The following MTCL3 variants were observed in gnomAD, a reference collection of about 807,000 sequenced individuals.
MTCL3 encodes the protein MTCL family member 3, also known as microtubule cross-linking factor 3.
chr6:127,475,203 C>G, the MTCL3 span: 1 of 1,397,166 alleles, frequency 7.2e-7, no homozygotes, highest in Non-Finnish European at 9.6e-7. The surrounding 1 kb of genome is among the most constrained non-coding windows in gnomAD (Gnocchi z 7.3). Context: ...AAGCGGGGCG[C>G]GGCAGTCCGG....
chr6:127,476,153 C>T, the MTCL3 span: 2 of 1,614,166 alleles, frequency 1.2e-6, no homozygotes, highest in Non-Finnish European at 1.7e-6. This position sits in a 1 kb window ranked among gnomAD's most constrained non-coding sequence, Gnocchi z 4.4. Flanking sequence ...TTGAAGTCAT[C>T]GCCCCTAAGG....
At chr6:127,493,576 C>T in the MTCL3 span, among the ~76,000 whole-genome samples, 4 of 152,110 alleles carry the variant, frequency 2.6e-5, no homozygotes, top group Non-Finnish European at 5.9e-5. Flanking sequence ...AGGCAGAGAC[C>T]TGAATTTGCC....
the MTCL3 span, among the ~76,000 whole-genome samples, chr6:127,509,389 G>C: frequency 5.9e-5 from 9 of 152,254 alleles, no homozygotes; most frequent in East Asian, 1.9e-4. Flanking sequence ...CCAGTCCTGA[G>C]AGCAATTGGT....
the MTCL3 span, among the ~76,000 whole-genome samples, chr6:127,478,241 T>C: frequency 3.3e-5 from 5 of 152,216 alleles, no homozygotes; most frequent in East Asian, 5.8e-4. Flanking sequence ...TTGGATTGTA[T>C]GGCCAATAGC....
the MTCL3 span, among the ~76,000 whole-genome samples, chr6:127,489,011 T>G: frequency 6.6e-6 from 1 of 152,208 alleles, no homozygotes; most frequent in Non-Finnish European, 1.5e-5. Flanking sequence ...GATACCACAA[T>G]TTTTACAAAT....
the MTCL3 span, among the ~76,000 whole-genome samples, chr6:127,502,933 T>C: frequency 6.6e-6 from 1 of 152,350 alleles, no homozygotes; most frequent in Middle Eastern, 3.4e-3. Flanking sequence ...AACACTTTTC[T>C]AGTCCTATGT....
the MTCL3 span, among the ~76,000 whole-genome samples, chr6:127,497,006 G>C: frequency 6.6e-6 from 1 of 152,130 alleles, no homozygotes; most frequent in Non-Finnish European, 1.5e-5. Context: ...ATTGCCTGGA[G>C]GTAGTCAAAG....
chr6:127,476,004 C>G, the MTCL3 span: 1 of 1,610,858 alleles, frequency 6.2e-7, no homozygotes, highest in Non-Finnish European at 8.5e-7. This position sits in a 1 kb window ranked among gnomAD's most constrained non-coding sequence, Gnocchi z 4.4. Context: ...TGAGCTCCGC[C>G]GTGATGCGCT....
the MTCL3 span, chr6:127,473,264 G>T: frequency 6.7e-7 from 1 of 1,502,422 alleles, no homozygotes. Flanking sequence ...TACAATGAAT[G>T]GTAAATGATG....
chr6:127,477,651 A>C, the MTCL3 span, among the ~76,000 whole-genome samples: 1 of 152,174 alleles, frequency 6.6e-6, no homozygotes, highest in East Asian at 1.9e-4. Flanking sequence ...AGAGCCTTTG[A>C]GATGGAAGAG....
chr6:127,482,207 T>C, the MTCL3 span, among the ~76,000 whole-genome samples: 5 of 152,204 alleles, frequency 3.3e-5, no homozygotes, highest in African/African-American at 1.2e-4. The surrounding 1 kb of genome is among the most constrained non-coding windows in gnomAD (Gnocchi z 4.1). Context: ...CCCTGAATTT[T>C]TTCTTGCACG....
chr6:127,508,129 G>A, the MTCL3 span, among the ~76,000 whole-genome samples: 29 of 151,962 alleles, frequency 1.9e-4, no homozygotes, highest in Non-Finnish European at 3.4e-4. Context: ...CAGAACCAGG[G>A]GAAAATATTT....
At chr6:127,495,584 T>C in the MTCL3 span, among the ~76,000 whole-genome samples, 3 of 152,344 alleles carry the variant, frequency 2.0e-5, no homozygotes, top group South Asian at 2.1e-4. Flanking sequence ...CATTACAAGA[T>C]GGCAGGACAC....
At chr6:127,499,060 A>G in the MTCL3 span, among the ~76,000 whole-genome samples, 18 of 152,216 alleles carry the variant, frequency 1.2e-4, no homozygotes, top group Non-Finnish European at 1.9e-4. Context: ...AATTTATGGT[A>G]TGTAAATCAA....
chr6:127,476,686 A>G, the MTCL3 span, among the ~76,000 whole-genome samples: 1 of 152,210 alleles, frequency 6.6e-6, no homozygotes, highest in African/African-American at 2.4e-5. This position sits in a 1 kb window ranked among gnomAD's most constrained non-coding sequence, Gnocchi z 4.4. Flanking sequence ...CAAAAAGGAA[A>G]AGGAATATGA....
the MTCL3 span, chr6:127,475,315 T>TCGG: frequency 6.2e-7 from 1 of 1,609,550 alleles, no homozygotes; most frequent in Non-Finnish European, 8.5e-7. This position sits in a 1 kb window ranked among gnomAD's most constrained non-coding sequence, Gnocchi z 7.3. Context: ...AATGGGCTCC[T>TCGG]CGGCGCCGCG....
chr6:127,489,622 A>G, the MTCL3 span, among the ~76,000 whole-genome samples: 1 of 152,290 alleles, frequency 6.6e-6, no homozygotes, highest in Non-Finnish European at 1.5e-5. Context: ...CTGATATGCA[A>G]AAAGTTTTAG....
chr6:127,478,427 C>T, the MTCL3 span, among the ~76,000 whole-genome samples: 5 of 152,248 alleles, frequency 3.3e-5, no homozygotes, highest in East Asian at 9.7e-4. Context: ...AACCTCAAAG[C>T]CCAGTCATTA....
the MTCL3 span, among the ~76,000 whole-genome samples, chr6:127,484,294 T>C: frequency 6.6e-6 from 1 of 152,190 alleles, no homozygotes; most frequent in African/African-American, 2.4e-5. Context: ...TTTCATTCAG[T>C]ATGAAACTGA....
Sources: allele counts gnomAD v4.1 joint callset (sites outside exome capture counted in the v4.1 genomes callset), GRCh38; gene constraint gnomAD v4.1.1; non-coding constraint Gnocchi (gnomAD v3.1); transcripts MANE v1.5; gene names NCBI Gene and HGNC (gene_info 2026-07-23, HGNC 2026-07-21).